The following RSRC1 variants were observed in gnomAD, a reference collection of about 807,000 sequenced individuals.
The protein encoded by RSRC1 is arginine and serine rich coiled-coil 1.
In RSRC1, 39 loss-of-function variants were observed where a neutral mutation model predicts 49.1. The ratio of observed to expected loss-of-function variants is 0.79; its 90% CI spans 0.61 to 1.04. The LOEUF is 1.04. Ranked by LOEUF, RSRC1 falls within the 50% of genes least tolerant of loss-of-function variation. The pLI is 0.00. For synonymous variants in RSRC1, 143 were observed against 130.8 expected, an observed-to-expected ratio of 1.09 and a Z score of -0.63; for missense variants, 388 against 402.4, an observed-to-expected ratio of 0.96 and a Z score of 0.31.
chr3:158,270,224 T>C (rs1305558233), intron 4 of RSRC1, among the ~76,000 whole-genome samples: 2 of 152,178 alleles, frequency 1.3e-5, no homozygotes, highest in Non-Finnish European at 2.9e-5. Flanking sequence ...CCTTTGCTGC[T>C]GTGTTTGCTT....
At chr3:158,178,613 C>T (rs952171328) in intron 3 of RSRC1, among the ~76,000 whole-genome samples, 1 of 151,934 alleles carries the variant, frequency 6.6e-6, no homozygotes, top group African/African-American at 2.4e-5. Context: ...CTTTGCTTTC[C>T]ACTGTTTTTC....
chr3:158,332,740 T>C (rs1729621777), intron 5 of RSRC1, among the ~76,000 whole-genome samples: 6 of 152,132 alleles, frequency 3.9e-5, no homozygotes, highest in Admixed American at 3.9e-4. Flanking sequence ...AGAAAAATTA[T>C]TACCATTTTG....
chr3:158,139,370 C>A (rs1306397525), intron 3 of RSRC1, among the ~76,000 whole-genome samples: 1 of 151,952 alleles, frequency 6.6e-6, no homozygotes, highest in Non-Finnish European at 1.5e-5. Context: ...CGCGCCACTG[C>A]ACTCCAGTCC....
At chr3:158,340,884 A>G (rs1272824915) in intron 5 of RSRC1, among the ~76,000 whole-genome samples, 4 of 152,226 alleles carry the variant, frequency 2.6e-5, no homozygotes, top group African/African-American at 9.6e-5. Flanking sequence ...TGATAGCGAT[A>G]CGGACAATAC....
intron 5 of RSRC1, among the ~76,000 whole-genome samples, chr3:158,321,150 C>G (rs569620290): frequency 6.6e-6 from 1 of 152,140 alleles, no homozygotes; most frequent in South Asian, 2.1e-4. Flanking sequence ...CATCACTTCT[C>G]CTTCTTCTGT....
chr3:158,542,838 A>G (rs1409560623), intron 8 of RSRC1, among the ~76,000 whole-genome samples: 1 of 152,204 alleles, frequency 6.6e-6, no homozygotes, highest in Non-Finnish European at 1.5e-5. Flanking sequence ...CTATAACTCA[A>G]TAAGGCTATT....
At chr3:158,419,379 G>A (rs1385760733) in intron 6 of RSRC1, among the ~76,000 whole-genome samples, 1 of 151,822 alleles carries the variant, frequency 6.6e-6, no homozygotes, top group African/African-American at 2.4e-5. Context: ...AATAGAGAGT[G>A]GCCATTTGTG....
intron 6 of RSRC1, among the ~76,000 whole-genome samples, chr3:158,454,760 G>T (rs1320562662): frequency 6.6e-6 from 1 of 152,022 alleles, no homozygotes; most frequent in East Asian, 1.9e-4. Context: ...CAACTGCCTG[G>T]TAATTCTAGG....
At chr3:158,251,676 G>C (rs974720618) in intron 4 of RSRC1, among the ~76,000 whole-genome samples, 2 of 152,156 alleles carry the variant, frequency 1.3e-5, no homozygotes, top group Admixed American at 6.5e-5. Flanking sequence ...GTATCTTGCA[G>C]CTTTACTGAA....
chr3:158,291,744 C>A (rs1052417904), intron 4 of RSRC1, among the ~76,000 whole-genome samples: 11 of 152,052 alleles, frequency 7.2e-5, no homozygotes, highest in African/African-American at 2.7e-4. Flanking sequence ...CTCCTTAACC[C>A]GATTCCTCTA....
intron 3 of RSRC1, among the ~76,000 whole-genome samples, chr3:158,172,570 T>C (rs191364269): frequency 1.1e-4 from 16 of 152,306 alleles, no homozygotes; most frequent in African/African-American, 3.8e-4. Context: ...ATCCTGACAA[T>C]TGATTTAGTT....
chr3:158,235,625 T>TTTTTAC (rs1271341452), intron 4 of RSRC1, among the ~76,000 whole-genome samples: 6 of 142,604 alleles, frequency 4.2e-5, no homozygotes, highest in Non-Finnish European at 9.1e-5. Context: ...ACAGAATTTT[T>TTTTTAC]ACTTAAGATT....
intron 5 of RSRC1, 109 bp from the exon 6 acceptor site, chr3:158,354,747 CT>C: frequency 3.9e-6 from 3 of 762,164 alleles, no homozygotes; most frequent in Non-Finnish European, 6.3e-6. Context: ...TGTTAAAGCT[CT>C]TTAAATTTCC....
At chr3:158,517,185 A>T (rs1740610231) in intron 7 of RSRC1, among the ~76,000 whole-genome samples, 1 of 95,566 alleles carries the variant, frequency 1.0e-5, no homozygotes, top group African/African-American at 5.2e-5. Context: ...TTATCATTTT[A>T]CAATTAATTT....
At chr3:158,383,718 T>C (rs1394486255) in intron 6 of RSRC1, among the ~76,000 whole-genome samples, 3 of 152,172 alleles carry the variant, frequency 2.0e-5, no homozygotes, top group Non-Finnish European at 4.4e-5. Context: ...TGATTTATTT[T>C]AAAATAAGCT....
At chr3:158,265,403 G>T (rs1249015861) in intron 4 of RSRC1, among the ~76,000 whole-genome samples, 1 of 152,040 alleles carries the variant, frequency 6.6e-6, no homozygotes, top group South Asian at 2.1e-4. Context: ...GGCCGAGGTG[G>T]GTGGATCACC....
intron 4 of RSRC1, among the ~76,000 whole-genome samples, chr3:158,273,428 G>C (rs751433800): frequency 2.0e-5 from 3 of 151,936 alleles, no homozygotes; most frequent in Non-Finnish European, 4.4e-5. Flanking sequence ...AAAATGTAAG[G>C]TCCTGTAAGT....
In RSRC1 at chr3:158,129,262, G is replaced by A. The variant is rs149314545; in HGVS notation, c.320+5271G>A. Among the ~76,000 whole-genome samples the A allele has an allele frequency of 4.1e-5, 6 of 148,006 alleles. No individual in the cohort carries two copies. The East Asian group carries it at 1.2e-3, about 29-fold the overall frequency. ...TTAGGTTCAATTATTTTCTTCATAC[G>A]GAGATCTAGGAACATTTCTTTCTTT... On this transcript the variant is annotated intron_variant, in intron 3 of 9. Coordinates refer to ENST00000611884, the MANE Select transcript of RSRC1 (RefSeq NM_001271838.2).
chr3:158,485,771 T>C (rs1010222482), intron 7 of RSRC1, among the ~76,000 whole-genome samples: 1 of 152,144 alleles, frequency 6.6e-6, no homozygotes, highest in Non-Finnish European at 1.5e-5. Flanking sequence ...CAGGTTGACT[T>C]CAATAAATTA....
Sources: gnomAD v4.1 joint callset for allele counts (sites outside exome capture counted in the v4.1 genomes callset) on GRCh38, gnomAD v4.1.1 for gene constraint, MANE v1.5 for transcripts, NCBI Gene and HGNC (gene_info 2026-07-23, HGNC 2026-07-21) for gene names.